Variants in PIK3C2A observed in about 807,000 individuals in gnomAD.
The protein encoded by PIK3C2A is phosphatidylinositol 4-phosphate 3-kinase C2 domain-containing subunit alpha.
Under a neutral mutation model 204.5 loss-of-function variants are expected in PIK3C2A, and 97 were observed. The ratio of observed to expected loss-of-function variants is 0.47; its 90% confidence interval spans 0.40 to 0.56. The LOEUF (loss-of-function observed/expected upper bound fraction) is 0.56, where lower values mean the gene tolerates loss of function less well. Ranked by LOEUF, PIK3C2A falls within the 20% of genes least tolerant of loss-of-function variation. The pLI is 0.00. For synonymous variants in PIK3C2A, 653 were observed against 664.4 expected (o/e 0.98, Z 0.26); for missense variants, 1,735 against 1,969.2 (o/e 0.88, Z 2.25).
intron 1 of PIK3C2A, among the ~76,000 whole-genome samples, chr11:17,200,186 A>C (rs562169514): frequency 1.2e-5 from 1 of 86,106 alleles, no homozygotes; most frequent in East Asian, 5.1e-4. Flanking sequence ...ACTGCATTTC[A>C]AAAAAAAAAA....
chr11:17,110,645 A>C, intron 21 of PIK3C2A, 84 bp from the exon 22 acceptor site: 2 of 1,291,306 alleles, frequency 1.5e-6, no homozygotes, highest in Admixed American at 2.3e-5. Context: ...TAATCCCAGC[A>C]CTTTGGGAGG....
At position 17,112,544 on chromosome 11, in the gene PIK3C2A, C is replaced by T. The variant is rs540769737; in HGVS notation, c.3414+30G>A. 4.8e-6 allele frequency: 5 copies of T among 1,033,604 alleles called. No individual in the cohort carries two copies. The African/African-American group carries it at 6.6e-5, about 14-fold the overall frequency. The allele number at this position is 1,033,604 out of a possible 1,614,324, so 64.0% of individuals were successfully genotyped here. ...TTTGATAAAAAAATTTCTAAATTGC[C>T]ATTAAAAAACAGTAACATTATTTAC... On this transcript the variant is annotated intron_variant, in intron 21 of 32. Coordinates refer to ENST00000691414, the MANE Select transcript of PIK3C2A (RefSeq NM_002645.4).
intron 1 of PIK3C2A, 127 bp from the exon 2 acceptor site, chr11:17,169,933 T>C: frequency 1.8e-6 from 1 of 544,664 alleles, no homozygotes; most frequent in Non-Finnish European, 3.2e-6. Flanking sequence ...ATAAACAAAA[T>C]AAAACAGATA....
At chr11:17,174,026 A>G (rs1186659954) in intron 1 of PIK3C2A, among the ~76,000 whole-genome samples, 3 of 151,896 alleles carry the variant, frequency 2.0e-5, no homozygotes, top group Non-Finnish European at 2.9e-5. Context: ...GCGTTTTGCC[A>G]TGTTGGCCAG....
intron 17 of PIK3C2A, 142 bp downstream of exon 17, chr11:17,119,078 C>A: frequency 1.7e-6 from 1 of 604,938 alleles, no homozygotes; most frequent in Non-Finnish European, 3.0e-6. Flanking sequence ...AAAAAATTCA[C>A]ACTAAATCCA....
intron 27 of PIK3C2A, among the ~76,000 whole-genome samples, chr11:17,096,662 A>C (rs1848464890): frequency 6.6e-6 from 1 of 152,240 alleles, no homozygotes; most frequent in Non-Finnish European, 1.5e-5. Context: ...ACAAGGGTGA[A>C]AAGTAGCAAC....
chr11:17,133,502 C>T (rs1184275029), intron 11 of PIK3C2A, among the ~76,000 whole-genome samples: 1 of 152,118 alleles, frequency 6.6e-6, no homozygotes, highest in African/African-American at 2.4e-5. Context: ...ATATTTTAAT[C>T]TAAAGCCCAA....
At position 17,182,546 on chromosome 11, in the gene PIK3C2A, C is replaced by T. The variant is rs185742312; in HGVS notation, c.-65-12740G>A. Among the ~76,000 whole-genome samples the T allele has an allele frequency of 5.9e-4, 80 of 135,720 alleles. No homozygotes were observed. In the East Asian group the frequency reaches 9.0e-3, roughly 15 times the overall value. The allele number at this position is 135,720 out of a possible 152,430, so 89.0% of individuals were successfully genotyped here. A position where few individuals can be genotyped will look rare whatever the true frequency, so the allele number is the denominator to read the frequency against. On this transcript the variant is annotated intron_variant, in intron 1 of 32. Transcript: ENST00000691414. The stretch of plus-strand genomic sequence containing the variant: ...ATCATTCACTGTACTTCAGCCTGGA[C>T]GACAGAACAAGACCCTGTCTCAAAA...
At chr11:17,137,954 T>A (rs2137399711) in intron 8 of PIK3C2A, 2 of 484,422 alleles carry the variant, frequency 4.1e-6, no homozygotes, top group Non-Finnish European at 7.6e-6. Flanking sequence ...TTAATTTTTA[T>A]TACTCAAAAA....
chr11:17,135,058 A>G (rs776254060), intron 10 of PIK3C2A, 29 bp from the exon 11 acceptor site: 1 of 1,611,990 alleles, frequency 6.2e-7, no homozygotes, highest in African/African-American at 1.3e-5. Flanking sequence ...AAGTTAATAG[A>G]TTCTCTGAAA....
intron 1 of PIK3C2A, among the ~76,000 whole-genome samples, chr11:17,206,839 G>C (rs934316360): frequency 1.2e-4 from 19 of 152,152 alleles, no homozygotes; most frequent in Admixed American, 4.6e-4. Context: ...TTTCCCAACA[G>C]AGCTTTTCTG....
At chr11:17,136,166 T>C (rs1296771206) in intron 9 of PIK3C2A, among the ~76,000 whole-genome samples, 1 of 152,180 alleles carries the variant, frequency 6.6e-6, no homozygotes, top group Non-Finnish European at 1.5e-5. Context: ...GGAGAAGTGA[T>C]AGTTACTGTC....
Position 17,089,227 on chromosome 11 carries a change from T to C in PIK3C2A, c.*511A>G, listed in dbSNP as rs1289399016. ...TTCCCTACTTCTATAAACTACTTAG[T>C]AGTTCTTAACTTAGCTATCTATTAT... On this transcript the variant is annotated 3_prime_UTR_variant, in exon 33 of 33. Transcript: ENST00000691414. The C allele has an allele frequency of 6.6e-6, 1 of 152,310 alleles. No homozygotes were observed. Among genetic ancestry groups the C allele is most frequent in the Admixed American group, 6.5e-5 (1 of 15,292 alleles). The allele number at this position is 152,310 out of a possible 1,614,324, so 9.4% of individuals were successfully genotyped here. A position where few individuals can be genotyped will look rare whatever the true frequency, so the allele number is the denominator to read the frequency against.
intron 15 of PIK3C2A, 33 bp from the exon 16 acceptor site, chr11:17,120,007 G>C: frequency 1.1e-6 from 1 of 941,464 alleles, no homozygotes; most frequent in South Asian, 1.8e-5. Flanking sequence ...TTACTTCTCA[G>C]TGATAACATA....
chr11:17,168,348 G>C (rs1851039889), intron 2 of PIK3C2A, among the ~76,000 whole-genome samples: 1 of 152,172 alleles, frequency 6.6e-6, no homozygotes, highest in African/African-American at 2.4e-5. Flanking sequence ...TTGGGAGGCT[G>C]AGACGGGTGG....
intron 28 of PIK3C2A, among the ~76,000 whole-genome samples, chr11:17,093,295 C>A (rs982573847): frequency 2.6e-5 from 4 of 152,216 alleles, no homozygotes; most frequent in African/African-American, 9.6e-5. Flanking sequence ...GAGACGGAGT[C>A]TCGCTCTGTT....
At chr11:17,136,693 T>G in intron 8 of PIK3C2A, 68 bp from the exon 9 acceptor site, 1 of 812,570 alleles carries the variant, frequency 1.2e-6, no homozygotes, top group Non-Finnish European at 1.9e-6. Flanking sequence ...AGAGACGAAG[T>G]CAGAAACTAG....
At chr11:17,141,917 T>C (rs1436630942) in intron 8 of PIK3C2A, among the ~76,000 whole-genome samples, 1 of 152,212 alleles carries the variant, frequency 6.6e-6, no homozygotes, top group Non-Finnish European at 1.5e-5. Flanking sequence ...TCTTGAGACA[T>C]CAAGGATGAC....
At chr11:17,157,639 T>C (rs1023750977) in intron 2 of PIK3C2A, among the ~76,000 whole-genome samples, 48 of 152,118 alleles carry the variant, frequency 3.2e-4, no homozygotes, top group African/African-American at 1.1e-3. Flanking sequence ...TATCTTCATA[T>C]AGTGCTAAAG....
Sources: allele counts gnomAD v4.1 joint callset (sites outside exome capture counted in the v4.1 genomes callset), GRCh38; gene constraint gnomAD v4.1.1; transcripts MANE v1.5; gene names NCBI Gene and HGNC (gene_info 2026-07-23, HGNC 2026-07-21).